Variants in KCNE1 observed in about 807,000 individuals in gnomAD.
KCNE1 encodes the protein potassium voltage-gated channel subfamily E regulatory subunit 1.
A neutral mutation model predicts 2.9 loss-of-function variants in KCNE1; 1 was observed. The observed-to-expected ratio is 0.34, with a 90% CI of 0.12 to 1.62. The LOEUF (loss-of-function observed/expected upper bound fraction) is 1.62. Ranked by LOEUF, KCNE1 falls within the 40% of genes most tolerant of loss-of-function variation. The pLI, the probability that KCNE1 is intolerant of heterozygous loss-of-function variation, is 0.36. For missense variants in KCNE1, 45 were observed against 150.5 expected (o/e 0.30, Z 3.67); for synonymous variants, 23 against 65.4 (o/e 0.35, Z 3.13).
At chr21:34,501,126 G>A (rs553658523) in intron 2 of KCNE1, among the ~76,000 whole-genome samples, 26 of 152,312 alleles carry the variant, frequency 1.7e-4, no homozygotes, top group African/African-American at 6.3e-4. Context: ...AAGCTGCACT[G>A]CTATGCAAGT....
chr21:34,501,471 T>C (rs928421560), intron 2 of KCNE1, among the ~76,000 whole-genome samples: 6 of 152,216 alleles, frequency 3.9e-5, no homozygotes, highest in African/African-American at 1.4e-4. Context: ...AAGACACTTT[T>C]ATGCCCACAT....
Position 34,449,178 on chromosome 21 carries a change from G to A in KCNE1, c.*67C>T. The A allele has an allele frequency of 1.7e-6, 1 of 573,796 alleles. No individual in the cohort carries two copies. The highest frequency in any genetic ancestry group is 1.9e-5 in the South Asian group (1 of 51,474). The allele number at this position is 573,796 out of a possible 1,614,324, so 35.5% of individuals were successfully genotyped here. On this transcript the variant is annotated 3_prime_UTR_variant, in exon 4 of 4. Transcript: ENST00000399286. ...TGGTATCCATCACAATAAAGAGTAT[G>A]AGAGGAATGTGATTAGAAAATCAGG...
At chr21:34,501,244 C>T (rs895728567) in intron 2 of KCNE1, among the ~76,000 whole-genome samples, 12 of 152,090 alleles carry the variant, frequency 7.9e-5, no homozygotes, top group Admixed American at 3.3e-4. Context: ...AGAGTAGGAC[C>T]GGGTAAGTCA....
At chr21:34,500,103 ATTTAAC>A (rs1248132249) in intron 2 of KCNE1, among the ~76,000 whole-genome samples, 1 of 152,202 alleles carries the variant, frequency 6.6e-6, no homozygotes, top group African/African-American at 2.4e-5. Context: ...CTGAATTATT[ATTTAAC>A]TTTATTTTAT....
intron 2 of KCNE1, among the ~76,000 whole-genome samples, chr21:34,498,242 G>C (rs1982929801): frequency 6.6e-6 from 1 of 152,116 alleles, no homozygotes; most frequent in South Asian, 2.1e-4. Context: ...GATCTTTCAG[G>C]GGTGTTATAG....
chr21:34,504,033 A>G (rs2123520085), intron 2 of KCNE1, among the ~76,000 whole-genome samples: 1 of 152,334 alleles, frequency 6.6e-6, no homozygotes, highest in East Asian at 1.9e-4. Context: ...GAAGATGGAG[A>G]AATGTTCACC....
intron 2 of KCNE1, among the ~76,000 whole-genome samples, chr21:34,506,989 A>C (rs1447248989): frequency 6.6e-6 from 1 of 152,194 alleles, no homozygotes; most frequent in Non-Finnish European, 1.5e-5. Context: ...CACCCAGAGA[A>C]CTGCAGACGC....
At chr21:34,502,653 G>GCACTCACTCACCTGACTCC in intron 2 of KCNE1, among the ~76,000 whole-genome samples, 1 of 152,190 alleles carries the variant, frequency 6.6e-6, no homozygotes, top group South Asian at 2.1e-4. Context: ...TCCACCTGAT[G>GCACTCACTCACCTGACTCC]ACTTGACCTA....
At chr21:34,499,306 T>C (rs1983015795) in intron 2 of KCNE1, among the ~76,000 whole-genome samples, 2 of 152,360 alleles carry the variant, frequency 1.3e-5, no homozygotes, top group South Asian at 2.1e-4. Flanking sequence ...TGCCCCAGGC[T>C]ATAAGCTTCC....
chr21:34,502,118 T>A (rs1601099422), intron 2 of KCNE1, among the ~76,000 whole-genome samples: 1 of 152,202 alleles, frequency 6.6e-6, no homozygotes, highest in East Asian at 1.9e-4. Context: ...CCTTGCCTTT[T>A]TTGGTCTATG....
intron 2 of KCNE1, among the ~76,000 whole-genome samples, chr21:34,509,086 T>C (rs1032949542): frequency 6.6e-6 from 1 of 152,250 alleles, no homozygotes; most frequent in African/African-American, 2.4e-5. Flanking sequence ...TCGGTTTCCA[T>C]GGGTCAGAAC....
At chr21:34,497,876 T>TC (rs1314404637) in intron 2 of KCNE1, among the ~76,000 whole-genome samples, 7 of 151,888 alleles carry the variant, frequency 4.6e-5, no homozygotes, top group African/African-American at 1.7e-4. Flanking sequence ...TTTTTTAAAT[T>TC]CTTTTTTTTT....
At chr21:34,507,370 C>G (rs1983561232) in intron 2 of KCNE1, among the ~76,000 whole-genome samples, 1 of 152,062 alleles carries the variant, frequency 6.6e-6, no homozygotes, top group Non-Finnish European at 1.5e-5. Context: ...TCATTGAGAC[C>G]AGGAAGCTTG....
chr21:34,499,329 C>A (rs943465118), intron 2 of KCNE1, among the ~76,000 whole-genome samples: 43 of 152,214 alleles, frequency 2.8e-4, no homozygotes, highest in African/African-American at 1.0e-3. Flanking sequence ...GCTGAGAAAG[C>A]AAGCACAGCT....
chr21:34,507,383 G>A (rs1983562005), intron 2 of KCNE1, among the ~76,000 whole-genome samples: 1 of 152,148 alleles, frequency 6.6e-6, no homozygotes, highest in African/African-American at 2.4e-5. Context: ...GAAGCTTGGA[G>A]GGGAAAACGC....
At chr21:34,508,029 G>C (rs1983604997) in intron 2 of KCNE1, among the ~76,000 whole-genome samples, 1 of 151,838 alleles carries the variant, frequency 6.6e-6, no homozygotes, top group South Asian at 2.1e-4. Flanking sequence ...GTTGCTGTTG[G>C]GTTCTTTTTT....
chr21:34,507,851 C>A (rs1381350311), intron 2 of KCNE1, among the ~76,000 whole-genome samples: 2 of 152,138 alleles, frequency 1.3e-5, no homozygotes, highest in African/African-American at 4.8e-5. Flanking sequence ...ATAACGACAC[C>A]ACTACCTGGA....
chr21:34,501,537 G>A (rs892425438), intron 2 of KCNE1, among the ~76,000 whole-genome samples: 9 of 152,204 alleles, frequency 5.9e-5, no homozygotes, highest in African/African-American at 1.4e-4. Flanking sequence ...TAAAGAGTAT[G>A]ATATCATCCC....
At chr21:34,496,819 T>C (rs1982839483) in intron 2 of KCNE1, among the ~76,000 whole-genome samples, 1 of 152,210 alleles carries the variant, frequency 6.6e-6, no homozygotes, top group African/African-American at 2.4e-5. Context: ...CTGGTAATAA[T>C]TGTTTTAGAA....
Sources: allele counts gnomAD v4.1 joint callset (sites outside exome capture counted in the v4.1 genomes callset), GRCh38; gene constraint gnomAD v4.1.1; transcripts MANE v1.5; gene names NCBI Gene and HGNC (gene_info 2026-07-23, HGNC 2026-07-21).